The following LTBP2 variants were observed in gnomAD, a reference collection of about 807,000 sequenced individuals.
LTBP2 encodes latent-transforming growth factor beta-binding protein 2.
Under a neutral mutation model 210.6 loss-of-function variants are expected in LTBP2, and 103 were observed. The observed-to-expected ratio is 0.49, with a 90% CI of 0.42 to 0.58. LTBP2 has a LOEUF of 0.58. Among genes scored for constraint, LTBP2 ranks in the 20% least tolerant of loss-of-function variants. The probability of loss-of-function intolerance (pLI) is 0.00; values close to 1 mark genes in which losing one functional copy is unlikely to be tolerated. For synonymous variants in LTBP2, 1,007 were observed against 1,015.0 expected (o/e 0.99, Z 0.15); for missense variants, 2,313 against 2,494.5 (o/e 0.93, Z 1.55).
chr14:74,592,735 G>A (rs2088299045), intron 2 of LTBP2, among the ~76,000 whole-genome samples: 1 of 152,146 alleles, frequency 6.6e-6, no homozygotes, highest in South Asian at 2.1e-4. Flanking sequence ...TGGTTCTAAT[G>A]AATCTCCACT....
chr14:74,596,526 AG>A (rs1336999930), intron 2 of LTBP2, among the ~76,000 whole-genome samples: 1 of 152,156 alleles, frequency 6.6e-6, no homozygotes, highest in African/African-American at 2.4e-5. Flanking sequence ...GCACTCAGGG[AG>A]CTGGGTGAGT....
At chr14:74,516,442 G>A (rs1294288365) in intron 18 of LTBP2, among the ~76,000 whole-genome samples, 1 of 146,084 alleles carries the variant, frequency 6.8e-6, no homozygotes, top group Non-Finnish European at 1.5e-5. Context: ...ATATGGCCCA[G>A]CCCTCAGGAG....
intron 8 of LTBP2, among the ~76,000 whole-genome samples, chr14:74,540,814 A>ATT (rs1566629882): frequency 4.4e-5 from 3 of 68,078 alleles, no homozygotes; most frequent in African/African-American, 1.5e-4. Context: ...TATATAATAT[A>ATT]TATATATTTT....
chr14:74,597,317 T>G (rs993625890), intron 2 of LTBP2, among the ~76,000 whole-genome samples: 1 of 152,258 alleles, frequency 6.6e-6, no homozygotes, highest in Non-Finnish European at 1.5e-5. Context: ...TCCTATGGCC[T>G]CCCTCTTTGG....
chr14:74,612,068 GCCCT>G lies in LTBP2; in HGVS notation c.-128_-125del. Reference sequence around the variant, plus strand: ...CGGCCAGCTTCTCTGAGTCTAGGGGGCCCTGAAGCGGCCGACTGGGGGCCCGGCT... The same window carrying G: ...CGGCCAGCTTCTCTGAGTCTAGGGGGGAAGCGGCCGACTGGGGGCCCGGCT... On this transcript the variant is annotated 5_prime_UTR_variant, in exon 1 of 36. Coordinates refer to ENST00000261978, the MANE Select transcript of LTBP2 (RefSeq NM_000428.3). 2.7e-6 allele frequency: 3 copies of G among 1,118,680 alleles called. No individual in the cohort carries two copies. The highest frequency in any genetic ancestry group is 3.6e-6 in the Non-Finnish European group (3 of 839,390). The allele number at this position is 1,118,680 out of a possible 1,614,324, so 69.3% of individuals were successfully genotyped here. A position where few individuals can be genotyped will look rare whatever the true frequency, so the allele number is the denominator to read the frequency against.
At chr14:74,551,784 T>A (rs1255115131) in intron 6 of LTBP2, among the ~76,000 whole-genome samples, 2 of 152,162 alleles carry the variant, frequency 1.3e-5, no homozygotes, top group Non-Finnish European at 2.9e-5. Context: ...AGCCTCTCCA[T>A]CCCCTGATCC....
intron 3 of LTBP2, among the ~76,000 whole-genome samples, chr14:74,564,331 TTATA>T (rs1284569432): frequency 0.056 from 279 of 4,996 alleles, 40 homozygotes; most frequent in East Asian, 0.071. Flanking sequence ...ATATATATAT[TTATA>T]TATATATATT....
chr14:74,549,769 G>T, intron 8 of LTBP2, 94 bp downstream of exon 8: 2 of 1,022,764 alleles, frequency 2.0e-6, no homozygotes, highest in Non-Finnish European at 3.1e-6. Flanking sequence ...TACCTGCCTG[G>T]CCTCTGACAT....
In LTBP2 at chr14:74,509,733, CCTTCACAGGCAGT is replaced by C; in HGVS notation, c.3265_3277del (p.Ala1090Ter). The C allele has an allele frequency of 6.2e-7, 1 of 1,614,106 alleles. No individual in the cohort carries two copies. On this transcript the variant is annotated frameshift_variant and splice_region_variant, in exon 21 of 36. Coordinates refer to ENST00000261978, the MANE Select transcript of LTBP2 (RefSeq NM_000428.3). LOFTEE classifies it high-confidence loss of function. ...TTCCACCACTGCCTCCCCAGGGTTA[CCTTCACAGGCAGT>C]GCCGTCTTCATTCACCCAGTACCCG...
Position 74,505,073 on chromosome 14 carries a change from G to C in LTBP2, c.4279C>G (p.Leu1427Val). ...TCAGCCTGTGTGGTGTTCCGGCCCA[G>C]GACACTGGAGCAGGGCGCATGGCCC... ...QKGHAPCSSV[L>V]GRNTTQAECC... The change falls in exon 29 of 36, where the codon CTG becomes GTG. Residue 1427 changes from leucine (L) to valine (V), a missense_variant. By Grantham distance (32) the Leu-to-Val change is conservative (BLOSUM62 1). This residue lies in a region of LTBP2 where 1,867 missense variants were observed against 1,976.9 expected (regional missense o/e 0.94). Coordinates refer to ENST00000261978, the MANE Select transcript of LTBP2 (RefSeq NM_000428.3). The C allele has an allele frequency of 1.2e-6, 2 of 1,614,144 alleles. No individual in the cohort carries two copies. The highest frequency in any genetic ancestry group is 1.1e-5 in the South Asian group (1 of 91,086).
In LTBP2 at chr14:74,504,060, G is replaced by A; in HGVS notation, c.4454-6C>T. On this transcript the variant is annotated splice_region_variant and splice_polypyrimidine_tract_variant and intron_variant, in intron 30 of 35. Coordinates refer to ENST00000261978, the MANE Select transcript of LTBP2 (RefSeq NM_000428.3). ...TATCACACACTCATCCGCATCTGTG[G>A]AAGGCAGAGCTGAGGTGAGAGGAAG... 1 of 1,613,806 alleles carries A rather than the reference G, an allele frequency of 6.2e-7. No homozygotes were observed. The highest frequency in any genetic ancestry group is 8.5e-7 in the Non-Finnish European group (1 of 1,179,970).
intron 3 of LTBP2, among the ~76,000 whole-genome samples, chr14:74,580,237 T>A (rs1483478643): frequency 2.0e-5 from 3 of 150,960 alleles, no homozygotes; most frequent in African/African-American, 7.3e-5. Context: ...AGGGGAAGAG[T>A]GTTTTGATGC....
intron 3 of LTBP2, among the ~76,000 whole-genome samples, chr14:74,557,727 A>G (rs1248992975): frequency 6.6e-6 from 1 of 152,194 alleles, no homozygotes; most frequent in Non-Finnish European, 1.5e-5. Flanking sequence ...ACCACTGTGT[A>G]TACGACAGTG....
In LTBP2 at chr14:74,509,826, G is replaced by A. The variant is rs776153148; in HGVS notation, c.3185C>T (p.Pro1062Leu). ...CTCCGTGTTGAGGCAGAGGCCTGTG[G>A]GGCATGAGGCCCGGCTGGCACACTC... ...VDECASRASC[P>L]TGLCLNTEGS... The change falls in exon 21 of 36, where the codon CCC (proline) becomes CTC (leucine). Residue 1062 changes from proline to leucine, a missense_variant. Around this residue, in one of 3 missense-constraint regions of LTBP2, gnomAD observed 1,867 missense variants for 1,976.9 expected, o/e 0.94. Transcript: ENST00000261978. 8 of 1,614,058 alleles carry A rather than the reference G, an allele frequency of 5.0e-6. No homozygotes were observed. In the East Asian group the frequency reaches 1.6e-4, roughly 31 times the overall value.
intron 17 of LTBP2, among the ~76,000 whole-genome samples, chr14:74,520,572 G>A (rs1035480351): frequency 6.6e-6 from 1 of 152,180 alleles, no homozygotes; most frequent in Non-Finnish European, 1.5e-5. Flanking sequence ...GGAGGCCGAG[G>A]CGGGTGGATC....
At chr14:74,606,662 C>T (rs1048608983) in intron 1 of LTBP2, among the ~76,000 whole-genome samples, 4 of 152,162 alleles carry the variant, frequency 2.6e-5, no homozygotes, top group African/African-American at 9.7e-5. Context: ...TCCTGGCCAA[C>T]ACAGTGAAAC....
At chr14:74,585,227 C>A (rs1566649572) in intron 3 of LTBP2, among the ~76,000 whole-genome samples, 1 of 152,160 alleles carries the variant, frequency 6.6e-6, no homozygotes, top group African/African-American at 2.4e-5. Context: ...TCCTTCTTCT[C>A]CCCTCTAAGG....
intron 1 of LTBP2, among the ~76,000 whole-genome samples, chr14:74,604,593 T>C (rs983470220): frequency 6.6e-5 from 10 of 151,286 alleles, no homozygotes; most frequent in African/African-American, 2.4e-4. Flanking sequence ...TCGCCCAGGC[T>C]GGAGTGCAAT....
chr14:74,611,618 C>G lies in LTBP2; in HGVS notation c.327G>C (p.Ala109=), dbSNP rs1595308603. The stretch of plus-strand genomic sequence containing the variant: ...GTGGCTGGACACGCCGCGACTGCTG[C>G]GCGCGGGACGGCCTCCTGGCCTCCG... ...TEAEARRPSR[A]QQSRRVQPPA... Residue 109 remains alanine, a synonymous_variant, in exon 1 of 36, where the codon GCG becomes GCC. Coordinates refer to ENST00000261978, the MANE Select transcript of LTBP2 (RefSeq NM_000428.3). The G allele has an allele frequency of 6.4e-7, 1 of 1,560,214 alleles. No individual in the cohort carries two copies.
Sources: allele counts gnomAD v4.1 joint callset (sites outside exome capture counted in the v4.1 genomes callset), GRCh38; gene constraint gnomAD v4.1.1; regional missense constraint gnomAD v4.1.1; transcripts MANE v1.5; gene names NCBI Gene and HGNC (gene_info 2026-07-23, HGNC 2026-07-21).